VRK2: variants seen among roughly 807,000 people sequenced by gnomAD.
VRK2 encodes serine/threonine-protein kinase VRK2.
In VRK2, 60 loss-of-function variants were observed where a neutral mutation model predicts 57.6. That is an observed-to-expected ratio of 1.04 (90% CI 0.85 to 1.29). VRK2 has a LOEUF of 1.29. Ranked by LOEUF, VRK2 falls within the 50% of genes most tolerant of loss-of-function variation. The pLI is 0.00. For synonymous variants in VRK2, 231 were observed against 199.2 expected (o/e 1.16, Z -1.35); for missense variants, 705 against 588.1 (o/e 1.20, Z -2.06).
chr2:58,026,593 A>G (rs1238280116), intron 2 of VRK2, among the ~76,000 whole-genome samples: 1 of 152,182 alleles, frequency 6.6e-6, no homozygotes, highest in Non-Finnish European at 1.5e-5. Flanking sequence ...GAATGTATTG[A>G]CCTTAATGGA....
intron 1 of VRK2, among the ~76,000 whole-genome samples, chr2:58,007,217 C>CCTCTCT (rs34855177): frequency 6.9e-4 from 98 of 141,596 alleles, no homozygotes; most frequent in African/African-American, 2.3e-3. Context: ...TCTCTCTCTC[C>CCTCTCT]CTCTCTCTCT....
intron 10 of VRK2, among the ~76,000 whole-genome samples, chr2:58,137,044 A>C (rs188143315): frequency 4.6e-5 from 6 of 129,240 alleles, no homozygotes; most frequent in South Asian, 4.5e-4. Flanking sequence ...TATCATATAT[A>C]ATATATATGT....
intron 2 of VRK2, among the ~76,000 whole-genome samples, chr2:58,077,747 G>T (rs953076566): frequency 2.6e-5 from 4 of 151,900 alleles, no homozygotes; most frequent in Non-Finnish European, 5.9e-5. Context: ...AATAATGTGC[G>T]TACTGCCACA....
rs575698406 is a variant in VRK2 at position 57,961,139 on chromosome 2, A to G, written c.-439+53300A>G. On this transcript the variant is annotated intron_variant, in intron 1 of 15. Coordinates refer to the VRK2 transcript ENST00000417641. ...TATTAATATCTCAGGAAGTAACTAT[A>G]AAGAAACATTAAGTAAGGTAAGAAT... Among the ~76,000 whole-genome samples the G allele has an allele frequency of 8.0e-4, 122 of 152,364 alleles. 1 individual carries two copies. Among genetic ancestry groups the G allele is most frequent in the African/African-American group, 2.8e-3 (115 of 41,588 alleles).
chr2:57,958,795 G>A (rs978290520), intron 1 of VRK2, among the ~76,000 whole-genome samples: 1 of 152,056 alleles, frequency 6.6e-6, no homozygotes, highest in Non-Finnish European at 1.5e-5. Context: ...GGTCACAAAG[G>A]AAAATGGTCA....
chr2:58,130,740 T>C (rs1021618760), intron 8 of VRK2, among the ~76,000 whole-genome samples: 3 of 152,134 alleles, frequency 2.0e-5, no homozygotes, highest in Non-Finnish European at 4.4e-5. Context: ...CACTTACTGC[T>C]CTTAGGAGAT....
At chr2:58,045,307 T>C (rs1465960894), upstream of VRK2, among the ~76,000 whole-genome samples, 1 of 152,142 alleles carries the variant, frequency 6.6e-6, no homozygotes, top group Non-Finnish European at 1.5e-5. Flanking sequence ...CCAACAGGAT[T>C]TACTAACACT....
At chr2:58,124,183 A>G (rs1677955961) in intron 8 of VRK2, among the ~76,000 whole-genome samples, 1 of 152,206 alleles carries the variant, frequency 6.6e-6, no homozygotes, top group African/African-American at 2.4e-5. Context: ...TTCATTTACC[A>G]TTAATTAAAC....
intron 11 of VRK2, among the ~76,000 whole-genome samples, chr2:58,144,527 C>A (rs1681826937): frequency 6.6e-6 from 1 of 151,918 alleles, no homozygotes; most frequent in Admixed American, 6.6e-5. Flanking sequence ...AAACATATCT[C>A]AATAAAGCTG....
chr2:58,085,401 T>C (rs1671476215), intron 4 of VRK2, among the ~76,000 whole-genome samples: 1 of 151,904 alleles, frequency 6.6e-6, no homozygotes, highest in Admixed American at 6.6e-5. Context: ...CTTTAAGATG[T>C]TTAAGAAAAT....
intron 2 of VRK2, among the ~76,000 whole-genome samples, chr2:58,065,105 A>T (rs1027258578): frequency 1.3e-5 from 2 of 152,096 alleles, no homozygotes; most frequent in Non-Finnish European, 2.9e-5. Flanking sequence ...ATAACTAAGC[A>T]TATTCTATTT....
chr2:58,100,121 A>T lies in VRK2; in HGVS notation c.543+10398A>T, dbSNP rs191026204. Reference sequence around the variant, plus strand: ...CTTTCAAAGTTCCTAGGATATTCATAGGGCAGGGTCATAAGCCTCATTAAA... The same window carrying T: ...CTTTCAAAGTTCCTAGGATATTCATTGGGCAGGGTCATAAGCCTCATTAAA... On this transcript the variant is annotated intron_variant, in intron 7 of 12. Coordinates refer to ENST00000340157, the MANE Select transcript of VRK2 (RefSeq NM_006296.7). Among the ~76,000 whole-genome samples the T allele has an allele frequency of 2.6e-5, 4 of 152,122 alleles. No individual in the cohort carries two copies. In the East Asian group the frequency reaches 7.7e-4, roughly 29 times the overall value.
intron 1 of VRK2, among the ~76,000 whole-genome samples, chr2:57,925,987 C>T (rs530470321): frequency 6.6e-6 from 1 of 151,922 alleles, no homozygotes; most frequent in African/African-American, 2.4e-5. Context: ...TTCATTGACC[C>T]ACTGGTCATT....
chr2:58,113,779 C>G (rs938756598), intron 7 of VRK2, among the ~76,000 whole-genome samples: 1 of 152,156 alleles, frequency 6.6e-6, no homozygotes, highest in Non-Finnish European at 1.5e-5. Context: ...TTTTGTGATT[C>G]TTCAGTTACT....
At chr2:58,107,040 A>G (rs1377143767) in intron 7 of VRK2, among the ~76,000 whole-genome samples, 2 of 152,120 alleles carry the variant, frequency 1.3e-5, no homozygotes, top group African/African-American at 2.4e-5. Context: ...GGCTACATCC[A>G]TGTTTTAACA....
At chr2:57,938,939 C>G (rs953659628) in intron 1 of VRK2, among the ~76,000 whole-genome samples, 2 of 152,130 alleles carry the variant, frequency 1.3e-5, no homozygotes, top group African/African-American at 4.8e-5. Flanking sequence ...ATAACAATTC[C>G]TCATTCAGAG....
At chr2:58,090,481 G>C (rs764815010) in intron 7 of VRK2, among the ~76,000 whole-genome samples, 1 of 151,234 alleles carries the variant, frequency 6.6e-6, no homozygotes, top group African/African-American at 2.4e-5. Flanking sequence ...CTGTTTGACT[G>C]TCCAATATGG....
At chr2:58,033,707 A>G (rs1000914004) in intron 3 of VRK2, 1 of 152,038 alleles carries the variant, frequency 6.6e-6, no homozygotes, top group African/African-American at 2.4e-5. Flanking sequence ...TTTTCCTAGA[A>G]GGATTTTCTG....
intron 8 of VRK2, 21 bp from the exon 9 acceptor site, chr2:58,131,787 C>T (rs1442156566): frequency 6.3e-7 from 1 of 1,585,754 alleles, no homozygotes; most frequent in African/African-American, 1.4e-5. Context: ...TTATCTTTCT[C>T]TCTAATGCTT....
Sources: allele counts gnomAD v4.1 joint callset (sites outside exome capture counted in the v4.1 genomes callset), GRCh38; gene constraint gnomAD v4.1.1; transcripts MANE v1.5; gene names NCBI Gene and HGNC (gene_info 2026-07-23, HGNC 2026-07-21).